Variants in EFCAB8 observed in about 807,000 individuals in gnomAD.
The protein encoded by EFCAB8 is EF-hand calcium-binding domain-containing protein 8.
In EFCAB8, 100 loss-of-function variants were observed where a neutral mutation model predicts 116.3. The observed-to-expected ratio is 0.86, with a 90% CI of 0.73 to 1.02. The LOEUF (loss-of-function observed/expected upper bound fraction) is 1.02, where lower values mean the gene tolerates loss of function less well. Among genes scored for constraint, EFCAB8 ranks in the 50% least tolerant of loss-of-function variants. The pLI is 0.00. For synonymous variants in EFCAB8, 558 were observed against 567.9 expected (o/e 0.98, Z 0.25); for missense variants, 1,320 against 1,416.9 (o/e 0.93, Z 1.10).
chr20:32,919,120 G>A (rs1436093546), intron 19 of EFCAB8, among the ~76,000 whole-genome samples: 1 of 152,312 alleles, frequency 6.6e-6, no homozygotes, highest in Non-Finnish European at 1.5e-5. Flanking sequence ...AGGAGTTACT[G>A]TTTCCCTACT....
In EFCAB8 at chr20:32,875,800, C is replaced by T. The variant is rs189617319; in HGVS notation, c.209-126C>T. 6.5e-4 allele frequency: 495 copies of T among 764,422 alleles called. 1 individual carries two copies. The highest frequency in any genetic ancestry group is 9.7e-4 in the Non-Finnish European group (453 of 468,138). 47.4% of individuals were successfully genotyped at this position (764,422 alleles called of 1,614,324 possible). Reference sequence around the variant, plus strand: ...CTGGAATTACAAGCATGAGCCACCGCGCCTGGCCGTAGATGTGGTCTTCAG... The same window carrying T: ...CTGGAATTACAAGCATGAGCCACCGTGCCTGGCCGTAGATGTGGTCTTCAG... On this transcript the variant is annotated intron_variant, in intron 3 of 26. Transcript: ENST00000400522.
chr20:32,921,540 C>T (rs1987455441), intron 20 of EFCAB8, among the ~76,000 whole-genome samples: 1 of 151,760 alleles, frequency 6.6e-6, no homozygotes, highest in Non-Finnish European at 1.5e-5. Flanking sequence ...AAAAAAATAC[C>T]TTAGATAACT....
intron 9 of EFCAB8, among the ~76,000 whole-genome samples, chr20:32,894,346 C>T (rs1280539708): frequency 3.9e-5 from 6 of 152,238 alleles, no homozygotes; most frequent in African/African-American, 1.4e-4. Context: ...CTGTCCTGGA[C>T]ACAGCAGTGG....
At chr20:32,876,106 C>T in intron 4 of EFCAB8, 62 bp downstream of exon 4, 2 of 1,402,940 alleles carry the variant, frequency 1.4e-6, no homozygotes, top group East Asian at 5.0e-5. Context: ...CAGTCCTTGA[C>T]CAGTTGGTGG....
At position 32,959,876 on chromosome 20, in the gene EFCAB8, C is replaced by T; in HGVS notation, c.3188C>T (p.Thr1063Ile). The T allele has an allele frequency of 6.4e-7, 1 of 1,551,436 alleles. No homozygotes were observed. Among genetic ancestry groups the T allele is most frequent in the South Asian group, 1.2e-5 (1 of 83,992 alleles). Reference protein sequence around the residue: ...LHGKADKEADTWAKLQKMALM... With the variant: ...LHGKADKEADIWAKLQKMALM... ...GGGAAGGCAGATAAGGAGGCAGACA[C>T]TTGGGCCAAGCTGCAGAAGATGGCC... The change falls in exon 25 of 27, where the codon ACT (threonine) becomes ATT (isoleucine). Residue 1063 changes from threonine to isoleucine, a missense_variant. Thr to Ile is a moderately conservative substitution (Grantham distance 89). Coordinates refer to ENST00000400522, the MANE Select transcript of EFCAB8 (RefSeq NM_001143967.2).
intron 15 of EFCAB8, among the ~76,000 whole-genome samples, chr20:32,910,738 C>CTTTTTTTTTTT (rs34185318): frequency 2.8e-5 from 3 of 107,308 alleles, no homozygotes; most frequent in Non-Finnish European, 3.5e-5. Context: ...TCACTTGCTA[C>CTTTTTTTTTTT]TTTTTTTTTT....
intron 4 of EFCAB8, among the ~76,000 whole-genome samples, chr20:32,877,219 T>G (rs1985024331): frequency 6.9e-6 from 1 of 144,198 alleles, no homozygotes; most frequent in African/African-American, 2.5e-5. Context: ...TTTTTTTTTT[T>G]TTTTTTTGAG....
intron 23 of EFCAB8, among the ~76,000 whole-genome samples, chr20:32,948,280 G>A (rs1988669529): frequency 6.6e-6 from 1 of 151,976 alleles, no homozygotes; most frequent in Non-Finnish European, 1.5e-5. Context: ...TCTTACACAA[G>A]AAGAAACAGA....
intron 22 of EFCAB8, among the ~76,000 whole-genome samples, chr20:32,934,566 G>T (rs550965995): frequency 6.6e-6 from 1 of 152,282 alleles, no homozygotes; most frequent in Non-Finnish European, 1.5e-5. Flanking sequence ...GATATGGTTT[G>T]GTTGTGTCCC....
At chr20:32,878,936 C>G in intron 5 of EFCAB8, 129 bp downstream of exon 5, 1 of 729,964 alleles carries the variant, frequency 1.4e-6, no homozygotes, top group Non-Finnish European at 2.3e-6. Context: ...CAGCCTGCTG[C>G]CTGATGTCCT....
intron 2 of EFCAB8, among the ~76,000 whole-genome samples, chr20:32,867,160 T>C (rs563027465): frequency 4.9e-4 from 74 of 152,318 alleles, no homozygotes; most frequent in Admixed American, 3.4e-3. Flanking sequence ...CCTCAAATGA[T>C]CCGCCCTCCT....
At chr20:32,956,746 G>A (rs1988976571) in intron 23 of EFCAB8, among the ~76,000 whole-genome samples, 2 of 152,176 alleles carry the variant, frequency 1.3e-5, no homozygotes, top group South Asian at 4.1e-4. Flanking sequence ...GTGTGGTTTT[G>A]TTTGTATTTA....
At position 32,892,137 on chromosome 20, in the gene EFCAB8, A is replaced by G. The variant is rs576755353; in HGVS notation, c.674-76A>G. On this transcript the variant is annotated intron_variant, in intron 7 of 26. Transcript: ENST00000400522. ...GGGCCAGAGATTCCTTGGGATAGCA[A>G]TGAGGCTGCTCACTGTGACTGAAGA... 215 of 1,282,220 alleles carry G rather than the reference A, an allele frequency of 1.7e-4. No homozygotes were observed. In the African/African-American group the frequency reaches 2.5e-3, roughly 15 times the overall value. The allele number at this position is 1,282,220 out of a possible 1,614,324, so 79.4% of individuals were successfully genotyped here.
chr20:32,943,675 C>T lies in EFCAB8; in HGVS notation c.2830C>T (p.Leu944Phe), dbSNP rs565336550. The T allele has an allele frequency of 2.4e-4, 101 of 417,184 alleles. No individual in the cohort carries two copies. The highest frequency in any genetic ancestry group is 1.8e-3 in the African/African-American group (90 of 48,826). 25.8% of individuals were successfully genotyped at this position (417,184 alleles called of 1,614,324 possible). The change falls in exon 23 of 27, where the codon CTC becomes TTC. Residue 944 changes from leucine to phenylalanine, a missense_variant. Leu to Phe is a conservative substitution (Grantham distance 22, BLOSUM62 0). Coordinates refer to ENST00000400522, the MANE Select transcript of EFCAB8 (RefSeq NM_001143967.2). ...GHTISLVPPT[L>F]LMTWKGHLNS... ...TACCATTTCCCTGGTTCCCCCCACG[C>T]TCCTGATGACCTGGAAAGGCCATTT...
intron 22 of EFCAB8, among the ~76,000 whole-genome samples, chr20:32,932,794 CTTGGAAGTGGGA>C (rs1472551141): frequency 6.6e-6 from 1 of 152,188 alleles, no homozygotes; most frequent in Admixed American, 6.5e-5. Flanking sequence ...AGGAGATGTT[CTTGGAAGTGGGA>C]TTGCTAGGTA....
intron 17 of EFCAB8, among the ~76,000 whole-genome samples, chr20:32,913,545 A>C (rs1298632293): frequency 6.6e-6 from 1 of 152,162 alleles, no homozygotes; most frequent in African/African-American, 2.4e-5. Flanking sequence ...TGCAAAATAT[A>C]TTCATTTCAT....
chr20:32,869,323 C>T lies in EFCAB8; in HGVS notation c.208+1576C>T, dbSNP rs187182871. On this transcript the variant is annotated intron_variant, in intron 3 of 26. Transcript: ENST00000400522. ...CACGATCTTGGCTCACTGCAACCTC[C>T]GCCTCTGGTTCAAGCGATTCTCCTG... Among the ~76,000 whole-genome samples the T allele has an allele frequency of 5.3e-4, 80 of 152,110 alleles. 2 individuals are homozygous for T. In the East Asian group the frequency reaches 0.015, roughly 28 times the overall value.
chr20:32,888,737 C>T (rs1236321225), intron 6 of EFCAB8, among the ~76,000 whole-genome samples: 1 of 152,024 alleles, frequency 6.6e-6, no homozygotes, highest in Non-Finnish European at 1.5e-5. Flanking sequence ...CTTGGCAGCT[C>T]TTTATTGGCA....
At chr20:32,928,959 CT>C (rs1158518762) in intron 20 of EFCAB8, among the ~76,000 whole-genome samples, 1 of 146,614 alleles carries the variant, frequency 6.8e-6, no homozygotes, top group African/African-American at 2.5e-5. Flanking sequence ...GGGTTTTTTT[CT>C]TTTTTTGTGA....
Sources: gnomAD v4.1 joint callset for allele counts (sites outside exome capture counted in the v4.1 genomes callset) on GRCh38, gnomAD v4.1.1 for gene constraint, MANE v1.5 for transcripts, NCBI Gene and HGNC (gene_info 2026-07-23, HGNC 2026-07-21) for gene names.